Variants in PLEKHH1 observed in about 807,000 individuals in gnomAD.
PLEKHH1 encodes the protein pleckstrin homology domain-containing family H member 1.
A neutral mutation model predicts 160.0 loss-of-function variants in PLEKHH1; 104 were observed. The observed-to-expected ratio is 0.65, with a 90% CI of 0.55 to 0.76. The LOEUF is 0.76. PLEKHH1 is among the 30% of genes least tolerant of loss of function. PLEKHH1 has a pLI of 0.00. For synonymous variants in PLEKHH1, 619 were observed against 678.4 expected (o/e 0.91, Z 1.36); for missense variants, 1,427 against 1,724.1 (o/e 0.83, Z 3.05).
intron 23 of PLEKHH1, 131 bp downstream of exon 23, chr14:67,581,169 A>G: frequency 1.6e-6 from 1 of 639,516 alleles, no homozygotes; most frequent in Non-Finnish European, 2.8e-6. Flanking sequence ...CCTGGCAGTC[A>G]CTAGCTGGGG....
At chr14:67,558,845 C>T (rs1652957596) in intron 4 of PLEKHH1, among the ~76,000 whole-genome samples, 1 of 152,224 alleles carries the variant, frequency 6.6e-6, no homozygotes, top group African/African-American at 2.4e-5. Flanking sequence ...TCTGTTGCAA[C>T]TGGTCAAAGC....
rs2035744490 is a variant in PLEKHH1, at chr14:67,578,697, T to A, written c.2849+66T>A. 1.9e-6 allele frequency: 2 copies of A among 1,039,724 alleles called. No individual in the cohort carries two copies. The highest frequency in any genetic ancestry group is 3.2e-5 in the African/African-American group (2 of 63,248). 64.4% of individuals were successfully genotyped at this position (1,039,724 alleles called of 1,614,324 possible). On this transcript the variant is annotated intron_variant, in intron 20 of 28. Coordinates refer to ENST00000329153, the MANE Select transcript of PLEKHH1 (RefSeq NM_020715.3). The surrounding 1 kb of genome is among the most constrained non-coding windows in gnomAD (Gnocchi z 5.0). ...CCAACTGCCGCATGAATAAGAGGGA[T>A]GAGAGGAGTCTAGGGCAGACCAGAT...
intron 2 of PLEKHH1, among the ~76,000 whole-genome samples, chr14:67,550,972 A>C (rs185188529): frequency 6.6e-6 from 1 of 152,254 alleles, no homozygotes; most frequent in Non-Finnish European, 1.5e-5. Flanking sequence ...ATGCATGTAC[A>C]GTGCTTATGA....
chr14:67,559,480 G>C (rs1293792318), intron 4 of PLEKHH1, 128 bp from the exon 5 acceptor site: 2 of 628,212 alleles, frequency 3.2e-6, no homozygotes, highest in Non-Finnish European at 5.8e-6. Flanking sequence ...TTCAACAAAC[G>C]ATTTCTGCTC....
chr14:67,586,120 C>T lies in PLEKHH1; in HGVS notation c.3933+23C>T, dbSNP rs190728240. 124 of 1,612,650 alleles carry T rather than the reference C, an allele frequency of 7.7e-5. 1 individual carries two copies. The East Asian group carries it at 1.0e-3, about 14-fold the overall frequency. ...AAGGTAGGTCTGACAGCTGTTAAAA[C>T]GTTCTACTCTGGCAAGATGTGGTGG... On this transcript the variant is annotated intron_variant, in intron 28 of 28. Coordinates refer to ENST00000329153, the MANE Select transcript of PLEKHH1 (RefSeq NM_020715.3).
At position 67,575,986 on chromosome 14, in the gene PLEKHH1, T is replaced by C. The variant is rs757916726; in HGVS notation, c.2333T>C (p.Ile778Thr). The change falls in exon 16 of 29, where the codon ATT (isoleucine) becomes ACT (threonine). Residue 778 changes from isoleucine (I) to threonine (T), a missense_variant. Ile to Thr is a moderately conservative substitution (Grantham distance 89, BLOSUM62 -1). Coordinates refer to ENST00000329153, the MANE Select transcript of PLEKHH1 (RefSeq NM_020715.3). ...PTEHSPTYLL[I>T]GTKHEKDTWL... ...GAGCACAGCCCCACCTACCTCCTCA[T>C]TGGCACCAAGCATGAAAAGGTAAGG... The C allele has an allele frequency of 3.1e-6, 5 of 1,612,434 alleles. No individual in the cohort carries two copies. The highest frequency in any genetic ancestry group is 2.2e-5 in the East Asian group (1 of 44,830).
chr14:67,540,743 G>A (rs1029754270), intron 1 of PLEKHH1, among the ~76,000 whole-genome samples: 8 of 152,118 alleles, frequency 5.3e-5, no homozygotes, highest in Non-Finnish European at 1.2e-4. Flanking sequence ...TTTTTGGGAA[G>A]CATCATTCAT....
chr14:67,572,694 T>C (rs972374281), intron 11 of PLEKHH1, among the ~76,000 whole-genome samples: 7 of 152,206 alleles, frequency 4.6e-5, no homozygotes, highest in Non-Finnish European at 1.0e-4. Flanking sequence ...TTAGCCCATC[T>C]TATGGATGAG....
In PLEKHH1 at chr14:67,569,197, A is replaced by G. The variant is rs1448277510; in HGVS notation, c.1323A>G (p.Arg441=). 1 of 1,612,038 alleles carries G rather than the reference A, an allele frequency of 6.2e-7. No homozygotes were observed. Among genetic ancestry groups the G allele is most frequent in the Non-Finnish European group, 8.5e-7 (1 of 1,178,224 alleles). ...TGCGGCTCTCAGATATGTCTCCCAG[A>G]AGTAATACTGCATGCTGCGGTGAGT... ...SGMRLSDMSP[R]SNTACCASSP... Residue 441 remains arginine (R), a synonymous_variant, in exon 8 of 29, where the codon AGA becomes AGG. Transcript: ENST00000329153.
intron 2 of PLEKHH1, among the ~76,000 whole-genome samples, chr14:67,543,653 A>G (rs2034060431): frequency 6.6e-6 from 1 of 152,118 alleles, no homozygotes; most frequent in Admixed American, 6.6e-5. Flanking sequence ...ACCCTGACTT[A>G]AGCTATGGTG....
In PLEKHH1 at chr14:67,549,090, A is replaced by G. The variant is rs1388603472; in HGVS notation, c.127-6735A>G. On this transcript the variant is annotated intron_variant, in intron 2 of 28. Transcript: ENST00000329153. ...CTCATACTTTGTGACAAGGCCAGGTACCATAAAAGGAGAATACAAGGATGA... is the reference window on the plus strand; with the variant it reads ...CTCATACTTTGTGACAAGGCCAGGTGCCATAAAAGGAGAATACAAGGATGA... Among the ~76,000 whole-genome samples the G allele has an allele frequency of 5.9e-5, 9 of 152,122 alleles. No homozygotes were observed. In the East Asian group the frequency reaches 1.7e-3, roughly 29 times the overall value.
At chr14:67,553,545 AT>A (rs1487792463) in intron 2 of PLEKHH1, among the ~76,000 whole-genome samples, 17 of 152,160 alleles carry the variant, frequency 1.1e-4, no homozygotes, top group Non-Finnish European at 2.1e-4. Context: ...TGATCTCTTG[AT>A]TCCAGATTCC....
intron 2 of PLEKHH1, among the ~76,000 whole-genome samples, chr14:67,543,586 A>T (rs2034057583): frequency 6.6e-6 from 1 of 152,170 alleles, no homozygotes; most frequent in Non-Finnish European, 1.5e-5. Flanking sequence ...GGTTGCTAAT[A>T]ATCTGCATGT....
chr14:67,587,039 A>G, intron 28 of PLEKHH1, 35 bp from the exon 29 acceptor site: 7 of 1,547,326 alleles, frequency 4.5e-6, no homozygotes, highest in Non-Finnish European at 6.1e-6. Flanking sequence ...AGCCAAGGCT[A>G]GTTCAATTCC....
rs1318998858 is a variant in PLEKHH1, at chr14:67,578,545, C to T, written c.2763C>T (p.Leu921=). Residue 921 remains leucine (L), a synonymous_variant, in exon 20 of 29, where the codon CTC becomes CTT. Transcript: ENST00000329153. This position sits in a 1 kb window ranked among gnomAD's most constrained non-coding sequence, Gnocchi z 5.0. ...QKYSLMQCWQ[L]LALCAPLFLP... is the part of the protein sequence containing the mutation. ...TGTGTCCCTGGCAGTGCTGGCAGCT[C>T]CTCGCTCTGTGTGCTCCACTTTTCC... is the stretch of plus-strand genomic sequence containing the variant. The T allele has an allele frequency of 6.2e-6, 10 of 1,609,674 alleles. No individual in the cohort carries two copies. Among genetic ancestry groups the T allele is most frequent in the Non-Finnish European group, 7.6e-6 (9 of 1,178,144 alleles).
In PLEKHH1 at chr14:67,579,856, T is replaced by C. The variant is rs200666305; in HGVS notation, c.3163T>C (p.Cys1055Arg). The change falls in exon 22 of 29, where the codon TGC (cysteine) becomes CGC (arginine). Residue 1055 changes from cysteine to arginine, a missense_variant. Coordinates refer to ENST00000329153, the MANE Select transcript of PLEKHH1 (RefSeq NM_020715.3). ...TCCCTCGGGCAGGGACCTGGAGCAC[T>C]GCCTGCAGGGAAGTGTCAAGGTGAC... ...DDPSGRDLEHCLQGSVKICDA... is the reference protein window; with the variant it reads ...DDPSGRDLEHRLQGSVKICDA... 4.4e-4 allele frequency: 699 copies of C among 1,603,830 alleles called. No individual in the cohort carries two copies. The highest frequency in any genetic ancestry group is 5.4e-4 in the Non-Finnish European group (635 of 1,175,322).
intron 2 of PLEKHH1, among the ~76,000 whole-genome samples, chr14:67,546,880 T>A (rs2034204569): frequency 6.6e-6 from 1 of 152,018 alleles, no homozygotes; most frequent in East Asian, 1.9e-4. Context: ...ATATATATAT[T>A]TTTTCTCTAC....
chr14:67,571,533 C>G, intron 9 of PLEKHH1: 1 of 495,030 alleles, frequency 2.0e-6, no homozygotes. Flanking sequence ...GCTTTGGGGA[C>G]CACAGAAGAT....
intron 1 of PLEKHH1, among the ~76,000 whole-genome samples, chr14:67,535,007 C>T (rs552818276): frequency 6.0e-4 from 91 of 152,246 alleles, no homozygotes; most frequent in African/African-American, 1.9e-3. Flanking sequence ...AAAAGCCACA[C>T]GATAGGATAC....
Sources: gnomAD v4.1 joint callset for allele counts (sites outside exome capture counted in the v4.1 genomes callset) on GRCh38, gnomAD v4.1.1 for gene constraint, Gnocchi (gnomAD v3.1) non-coding constraint, MANE v1.5 for transcripts, NCBI Gene and HGNC (gene_info 2026-07-23, HGNC 2026-07-21) for gene names.